TCERG1L: variants seen among roughly 807,000 people sequenced by gnomAD.
The protein encoded by TCERG1L is transcription elongation regulator 1 like.
In TCERG1L, 37 loss-of-function variants were observed where a neutral mutation model predicts 56.3. That is an observed-to-expected ratio of 0.66 (90% confidence interval 0.51 to 0.87). The LOEUF is 0.87. TCERG1L is among the 40% of genes least tolerant of loss of function. The pLI is 0.00. For missense variants in TCERG1L, 799 were observed against 774.2 expected (o/e 1.03, Z -0.38); for synonymous variants, 324 against 326.3 (o/e 0.99, Z 0.08).
chr10:131,181,533 A>G (rs898100222), intron 4 of TCERG1L, among the ~76,000 whole-genome samples: 8 of 152,270 alleles, frequency 5.3e-5, no homozygotes, highest in Admixed American at 3.3e-4. Context: ...CTAAACATTC[A>G]GTGCCATGCA....
chr10:131,260,373 T>TGGCAGC lies in TCERG1L; in HGVS notation c.736_741dup (p.Ala246_Ala247dup), dbSNP rs764464021. 2 of 1,498,462 alleles carry TGGCAGC rather than the reference T, an allele frequency of 1.3e-6. No homozygotes were observed. Among genetic ancestry groups the TGGCAGC allele is most frequent in the Non-Finnish European group, 1.8e-6 (2 of 1,134,572 alleles). The allele number at this position is 1,498,462 out of a possible 1,614,324, so 92.8% of individuals were successfully genotyped here. On this transcript the variant is annotated inframe_insertion, in exon 4 of 12. Transcript: ENST00000368642. This position sits in a 1 kb window ranked among gnomAD's most constrained non-coding sequence, Gnocchi z 5.8. The stretch of plus-strand genomic sequence containing the variant: ...AGGTTCTCAGGGTCCACGGAGACCA[T>TGGCAGC]GGCAGCGGCGGCGGCGGTGGCGATG...
chr10:131,110,225 A>T (rs1348351684), intron 9 of TCERG1L, among the ~76,000 whole-genome samples: 1 of 152,236 alleles, frequency 6.6e-6, no homozygotes, highest in African/African-American at 2.4e-5. Context: ...GGCAAGATGC[A>T]GACCACGCGG....
At chr10:131,127,436 CAG>C (rs1380777194) in intron 8 of TCERG1L, among the ~76,000 whole-genome samples, 12 of 152,218 alleles carry the variant, frequency 7.9e-5, no homozygotes, top group African/African-American at 2.9e-4. Context: ...TGATGGGAAG[CAG>C]AGGCAGACGT....
At chr10:131,184,261 C>T (rs892388211) in intron 4 of TCERG1L, among the ~76,000 whole-genome samples, 5 of 152,198 alleles carry the variant, frequency 3.3e-5, no homozygotes, top group African/African-American at 4.8e-5. Flanking sequence ...GTTTCTTATC[C>T]GCAAGCTCTC....
intron 3 of TCERG1L, among the ~76,000 whole-genome samples, chr10:131,285,562 GAA>G (rs879873775): frequency 0.02 from 2,842 of 138,778 alleles, 86 homozygotes; most frequent in African/African-American, 0.045. Flanking sequence ...AAGGAAGAAA[GAA>G]AAAGAAAGAA....
intron 6 of TCERG1L, among the ~76,000 whole-genome samples, chr10:131,153,736 A>C (rs1482276490): frequency 6.6e-6 from 1 of 152,216 alleles, no homozygotes; most frequent in Non-Finnish European, 1.5e-5. Flanking sequence ...GCACCCTGGA[A>C]TGCCCCAAAG....
At chr10:131,309,679 G>A (rs1175575989) in intron 1 of TCERG1L, among the ~76,000 whole-genome samples, 1 of 151,578 alleles carries the variant, frequency 6.6e-6, no homozygotes, top group Non-Finnish European at 1.5e-5. Context: ...CAGGCTTAGG[G>A]CTATATTTTA....
chr10:131,165,561 C>CA (rs970725402), intron 5 of TCERG1L, among the ~76,000 whole-genome samples: 1 of 152,038 alleles, frequency 6.6e-6, no homozygotes, highest in Non-Finnish European at 1.5e-5. Flanking sequence ...ACACTTGTCT[C>CA]AAAAAATATA....
At position 131,146,570 on chromosome 10, in the gene TCERG1L, G is replaced by A; in HGVS notation, c.1125C>T (p.Asp375=). 1 of 1,613,964 alleles carries A rather than the reference G, an allele frequency of 6.2e-7. No homozygotes were observed. The highest frequency in any genetic ancestry group is 8.5e-7 in the Non-Finnish European group (1 of 1,179,870). ...SVWEKPMDLK[D]RGDLNRIIED... ...CAATGATCCTGTTGAGGTCTCCGCG[G>A]TCCTTCAGGTCCATGGGCTTCTCCC... is the stretch of plus-strand genomic sequence containing the variant. The change falls in exon 7 of 12, where the codon GAC becomes GAT. Residue 375 remains aspartate (D), a synonymous_variant. Coordinates refer to ENST00000368642, the MANE Select transcript of TCERG1L (RefSeq NM_174937.4).
intron 4 of TCERG1L, among the ~76,000 whole-genome samples, chr10:131,221,632 G>A (rs150719114): frequency 2.6e-5 from 4 of 152,302 alleles, no homozygotes; most frequent in South Asian, 2.1e-4. Context: ...TGTTATCGCC[G>A]TGTATTGAAC....
chr10:131,179,776 G>A (rs916106373), intron 4 of TCERG1L, among the ~76,000 whole-genome samples: 2 of 152,124 alleles, frequency 1.3e-5, no homozygotes, highest in South Asian at 2.1e-4. Flanking sequence ...CGTCGCTGAC[G>A]GTTTTGTCCC....
At chr10:131,202,920 T>C (rs188820681) in intron 4 of TCERG1L, among the ~76,000 whole-genome samples, 89 of 152,348 alleles carry the variant, frequency 5.8e-4, no homozygotes, top group Admixed American at 1.4e-3. Flanking sequence ...TGTGGAAACG[T>C]ACACCTCAGT....
intron 3 of TCERG1L, among the ~76,000 whole-genome samples, chr10:131,305,967 G>C (rs1021695864): frequency 3.3e-5 from 5 of 151,922 alleles, no homozygotes; most frequent in Admixed American, 3.3e-4. Context: ...ATTCATAATA[G>C]GATATGAAAA....
At chr10:131,094,440 C>G (rs1564790263) in intron 11 of TCERG1L, among the ~76,000 whole-genome samples, 1 of 152,188 alleles carries the variant, frequency 6.6e-6, no homozygotes, top group Non-Finnish European at 1.5e-5. Flanking sequence ...CTGAAATATA[C>G]AAACAACAAG....
rs534061870 is a variant in TCERG1L at position 131,194,829 on chromosome 10, G to A, written c.857-27944C>T. On this transcript the variant is annotated intron_variant, in intron 4 of 11. Transcript: ENST00000368642. ...TCTTCATCATAAACTCTGTGCCTACGGATATCTGAGTCCCGGAAACATATG... is the reference window on the plus strand; with the variant it reads ...TCTTCATCATAAACTCTGTGCCTACAGATATCTGAGTCCCGGAAACATATG... Among the ~76,000 whole-genome samples the A allele has an allele frequency of 1.4e-4, 21 of 152,220 alleles. No individual in the cohort carries two copies. In the South Asian group the frequency reaches 1.9e-3, roughly 14 times the overall value.
intron 4 of TCERG1L, among the ~76,000 whole-genome samples, chr10:131,248,243 C>T (rs1038940487): frequency 6.8e-6 from 1 of 146,496 alleles, no homozygotes; most frequent in Non-Finnish European, 1.5e-5. Context: ...ACACACGACT[C>T]ACACACACTG....
chr10:131,215,898 C>A (rs1845664466), intron 4 of TCERG1L, among the ~76,000 whole-genome samples: 1 of 152,146 alleles, frequency 6.6e-6, no homozygotes, highest in Admixed American at 6.5e-5. Flanking sequence ...AAGCACAGAG[C>A]AACCAGCTTG....
intron 3 of TCERG1L, among the ~76,000 whole-genome samples, chr10:131,268,489 A>G (rs1750553737): frequency 6.6e-6 from 1 of 152,150 alleles, no homozygotes; most frequent in South Asian, 2.1e-4. Flanking sequence ...CTGGCCCCTA[A>G]CCAGATAGTC....
intron 4 of TCERG1L, among the ~76,000 whole-genome samples, chr10:131,211,822 C>T (rs1845624144): frequency 6.6e-6 from 1 of 152,140 alleles, no homozygotes; most frequent in African/African-American, 2.4e-5. Flanking sequence ...CAGACGGCGG[C>T]TGGGAGCATC....
Sources: allele counts gnomAD v4.1 joint callset (sites outside exome capture counted in the v4.1 genomes callset), GRCh38; gene constraint gnomAD v4.1.1; non-coding constraint Gnocchi (gnomAD v3.1); transcripts MANE v1.5; gene names NCBI Gene and HGNC (gene_info 2026-07-23, HGNC 2026-07-21).